GRIK4: variants seen among roughly 807,000 people sequenced by gnomAD.
The protein encoded by GRIK4 is glutamate receptor ionotropic, kainate 4.
GRIK4 carries 40 observed loss-of-function variants against 104.9 expected under a neutral mutation model. The observed-to-expected ratio is 0.38, with a 90% CI of 0.30 to 0.50. The LOEUF is 0.50. Ranked by LOEUF, GRIK4 falls within the 20% of genes least tolerant of loss-of-function variation. The pLI, the probability that GRIK4 is intolerant of heterozygous loss-of-function variation, is 0.93. For synonymous variants in GRIK4, 485 were observed against 524.9 expected (o/e 0.92, Z 1.04); for missense variants, 1,047 against 1,308.1 (o/e 0.80, Z 3.08).
intron 3 of GRIK4, among the ~76,000 whole-genome samples, chr11:120,684,603 G>A (rs897898765): frequency 2.0e-5 from 3 of 152,210 alleles, no homozygotes; most frequent in Non-Finnish European, 4.4e-5. Context: ...CTAAATATAT[G>A]GTAAAGAGCC....
intron 3 of GRIK4, among the ~76,000 whole-genome samples, chr11:120,788,010 C>T (rs1243128308): frequency 6.7e-5 from 10 of 150,226 alleles, no homozygotes; most frequent in Admixed American, 4.0e-4. Context: ...AGACTGCAGG[C>T]GCACACCACC....
At position 120,835,750 on chromosome 11, in the gene GRIK4, C is replaced by T. The variant is rs78952682; in HGVS notation, c.691-1041C>T. On this transcript the variant is annotated intron_variant, in intron 7 of 20. Coordinates refer to ENST00000527524, the MANE Select transcript of GRIK4 (RefSeq NM_014619.5). Reference sequence around the variant, plus strand: ...GAGGGATGAGGGTCCCCAGAGAGAACGGGGCTCATTATTTTCCTGATCTAC... The same window carrying T: ...GAGGGATGAGGGTCCCCAGAGAGAATGGGGCTCATTATTTTCCTGATCTAC... Among the ~76,000 whole-genome samples the T allele has an allele frequency of 9.9e-5, 15 of 152,200 alleles. No homozygotes were observed. In the East Asian group the frequency reaches 2.1e-3, roughly 22 times the overall value.
In GRIK4 at chr11:120,644,042, T is replaced by TGA. The variant is rs1229687265; in HGVS notation, c.-158-9642_-158-9641insAG. Among the ~76,000 whole-genome samples, 333 of 117,788 alleles carry TGA rather than the reference T, an allele frequency of 2.8e-3. 1 individual carries two copies. In the South Asian group the frequency reaches 0.031, roughly 11 times the overall value. The allele number at this position is 117,788 out of a possible 152,430, so 77.3% of individuals were successfully genotyped here. A position where few individuals can be genotyped will look rare whatever the true frequency, so the allele number is the denominator to read the frequency against. ...GTGTGTGTGTGTGTGTGTGTGTGTGTGTGAGAGAGAGAGAGAGGAGAGAGA... is the reference window on the plus strand; with the variant it reads ...GTGTGTGTGTGTGTGTGTGTGTGTGTGAGTGAGAGAGAGAGAGAGGAGAGAGA... On this transcript the variant is annotated intron_variant, in intron 1 of 20. Transcript: ENST00000527524.
chr11:120,559,890 TAGAGGGAGGCCTG>T (rs567719350), intron 1 of GRIK4, among the ~76,000 whole-genome samples: 17 of 152,140 alleles, frequency 1.1e-4, no homozygotes, highest in South Asian at 2.1e-4. Flanking sequence ...ACAGGCCTAT[TAGAGGGAGGCCTG>T]AGAGGGAGGC....
chr11:120,650,831 G>T (rs1002466171), intron 1 of GRIK4, among the ~76,000 whole-genome samples: 4 of 152,260 alleles, frequency 2.6e-5, no homozygotes, highest in African/African-American at 9.6e-5. Context: ...TCTTTTGGCC[G>T]CAAAAGCACT....
chr11:120,767,652 G>C (rs1342507506), intron 3 of GRIK4, among the ~76,000 whole-genome samples: 1 of 152,054 alleles, frequency 6.6e-6, no homozygotes, highest in Non-Finnish European at 1.5e-5. Flanking sequence ...TTTTCTTTGT[G>C]ATCTTTTCCA....
Position 120,751,940 on chromosome 11 carries a change from C to A in GRIK4, c.83-50753C>A, listed in dbSNP as rs143393640. Among the ~76,000 whole-genome samples the A allele has an allele frequency of 6.0e-3, 919 of 152,178 alleles. 15 individuals carry two copies. The highest frequency in any genetic ancestry group is 0.021 in the African/African-American group (874 of 41,518). ...CTCAGGAATCTGTACCACCAGCTTG[C>A]GGCTGGGGGGTGGGGAGACACCCTC... is the stretch of plus-strand genomic sequence containing the variant. On this transcript the variant is annotated intron_variant, in intron 3 of 20. Coordinates refer to ENST00000527524, the MANE Select transcript of GRIK4 (RefSeq NM_014619.5).
chr11:120,840,940 G>C (rs1480663410), intron 8 of GRIK4, among the ~76,000 whole-genome samples: 3 of 152,040 alleles, frequency 2.0e-5, no homozygotes. Flanking sequence ...TCTTCTCAGT[G>C]AGTTTGCCTA....
At chr11:120,641,566 A>G (rs1949472498) in intron 1 of GRIK4, among the ~76,000 whole-genome samples, 1 of 152,182 alleles carries the variant, frequency 6.6e-6, no homozygotes, top group Non-Finnish European at 1.5e-5. Context: ...CATATAGGGT[A>G]ACTTCCTGAT....
In GRIK4 at chr11:120,907,163, A is replaced by G. The variant is rs532263255; in HGVS notation, c.1476+1670A>G. On this transcript the variant is annotated intron_variant, in intron 13 of 20. Coordinates refer to ENST00000527524, the MANE Select transcript of GRIK4 (RefSeq NM_014619.5). ...TCTTCTTATTTGGTTTCCACTGTGA[A>G]GGTGCAGCTCAGTAGTTAGACCATA... Among the ~76,000 whole-genome samples the G allele has an allele frequency of 7.6e-4, 115 of 152,308 alleles. 1 individual carries two copies. Among genetic ancestry groups the G allele is most frequent in the Admixed American group, 2.4e-3 (36 of 15,302 alleles).
chr11:120,723,681 A>G (rs1210569245), intron 3 of GRIK4, among the ~76,000 whole-genome samples: 1 of 152,180 alleles, frequency 6.6e-6, no homozygotes, highest in Non-Finnish European at 1.5e-5. Context: ...GTTTGCCTCT[A>G]AAACAGGGCC....
At chr11:120,629,524 T>C (rs1420005505) in intron 1 of GRIK4, among the ~76,000 whole-genome samples, 1 of 152,122 alleles carries the variant, frequency 6.6e-6, no homozygotes, top group Admixed American at 6.5e-5. Flanking sequence ...GCCTTGACCC[T>C]GCTCTGATGA....
chr11:120,642,413 C>G (rs751151686), intron 1 of GRIK4, among the ~76,000 whole-genome samples: 1 of 151,520 alleles, frequency 6.6e-6, no homozygotes, highest in Non-Finnish European at 1.5e-5. Context: ...CTGGGAGATG[C>G]GGGTATTAGA....
intron 19 of GRIK4, among the ~76,000 whole-genome samples, chr11:120,972,082 TA>T (rs1320624005): frequency 6.6e-6 from 1 of 152,232 alleles, no homozygotes; most frequent in African/African-American, 2.4e-5. Flanking sequence ...TACTCTGTAA[TA>T]CAGGCATATT....
chr11:120,927,386 GC>G (rs1425701430), intron 13 of GRIK4, among the ~76,000 whole-genome samples: 1 of 69,544 alleles, frequency 1.4e-5, no homozygotes, highest in Non-Finnish European at 4.5e-5. Context: ...CGCCAACATG[GC>G]AAAACCCCAT....
intron 14 of GRIK4, among the ~76,000 whole-genome samples, chr11:120,951,736 C>G (rs915568923): frequency 1.3e-5 from 2 of 152,268 alleles, no homozygotes; most frequent in African/African-American, 4.8e-5. Context: ...GAGAATATGC[C>G]CTGTCTCCAG....
chr11:120,788,979 T>C (rs1952343384), intron 3 of GRIK4, among the ~76,000 whole-genome samples: 1 of 152,214 alleles, frequency 6.6e-6, no homozygotes, highest in South Asian at 2.1e-4. Context: ...GTCCTTGTTT[T>C]ATCTGACTTC....
Position 120,549,980 on chromosome 11 carries a change from A to G in GRIK4, c.-159+38093A>G, listed in dbSNP as rs1054527038. On this transcript the variant is annotated intron_variant, in intron 1 of 20. Transcript: ENST00000527524. This position sits in a 1 kb window ranked among gnomAD's most constrained non-coding sequence, Gnocchi z 4.7. ...TGAGTTGCGTTTTCTGTCACTTGCA[A>G]GGGGTTTGGTTCTAAGTGCAATGAA... Among the ~76,000 whole-genome samples, 1 of 152,142 alleles carries G rather than the reference A, an allele frequency of 6.6e-6. No individual in the cohort carries two copies. Among genetic ancestry groups the G allele is most frequent in the South Asian group, 2.1e-4 (1 of 4,832 alleles).
At chr11:120,518,587 G>A (rs1211004813) in intron 1 of GRIK4, among the ~76,000 whole-genome samples, 2 of 152,086 alleles carry the variant, frequency 1.3e-5, no homozygotes, top group African/African-American at 4.8e-5. Flanking sequence ...TCCAGCATAA[G>A]CCCAGGGCTC....
Sources: allele counts gnomAD v4.1 joint callset (sites outside exome capture counted in the v4.1 genomes callset), GRCh38; gene constraint gnomAD v4.1.1; non-coding constraint Gnocchi (gnomAD v3.1); transcripts MANE v1.5; gene names NCBI Gene and HGNC (gene_info 2026-07-23, HGNC 2026-07-21).